UBE2O: variants seen among roughly 807,000 people sequenced by gnomAD.
The protein encoded by UBE2O is (E3-independent) E2 ubiquitin-conjugating enzyme.
A neutral mutation model predicts 125.8 loss-of-function variants in UBE2O; 15 were observed. The ratio of observed to expected loss-of-function variants is 0.12; its 90% CI spans 0.08 to 0.18. The LOEUF (loss-of-function observed/expected upper bound fraction) is 0.18. UBE2O is among the 10% of genes least tolerant of loss of function. The pLI, the probability that UBE2O is intolerant of heterozygous loss-of-function variation, is 1.00. For synonymous variants in UBE2O, 708 were observed against 703.2 expected (o/e 1.01, Z -0.11); for missense variants, 1,280 against 1,723.6 (o/e 0.74, Z 4.56).
At chr17:76,423,966 G>A (rs1209344656) in intron 1 of UBE2O, among the ~76,000 whole-genome samples, 2 of 143,628 alleles carry the variant, frequency 1.4e-5, no homozygotes, top group Admixed American at 7.2e-5. Flanking sequence ...CTAGTGCAGC[G>A]GCGCGATCTT....
intron 1 of UBE2O, among the ~76,000 whole-genome samples, chr17:76,416,068 C>A (rs146763656): frequency 0.016 from 2,458 of 150,664 alleles, 35 homozygotes; most frequent in Non-Finnish European, 0.024. Flanking sequence ...CACGTATATA[C>A]GTATGTGTAT....
intron 12 of UBE2O, 84 bp from the exon 13 acceptor site, chr17:76,397,972 T>A: frequency 6.9e-7 from 1 of 1,441,770 alleles, no homozygotes; most frequent in Admixed American, 1.7e-5. Flanking sequence ...GTGACTGACA[T>A]CATGCCCACC....
rs1364660128 is a variant in UBE2O, at chr17:76,396,044, A to G, written c.2809+84T>C. ...TAGCTGGGGTCTGGCGAGGGGACTA[A>G]CCACCCTGCACCCAGATCTGGTGAC... On this transcript the variant is annotated intron_variant, in intron 14 of 17. Transcript: ENST00000319380. This position sits in a 1 kb window ranked among gnomAD's most constrained non-coding sequence, Gnocchi z 6.7. 2.0e-6 allele frequency: 3 copies of G among 1,518,520 alleles called. No homozygotes were observed. Among genetic ancestry groups the G allele is most frequent in the South Asian group, 1.2e-5 (1 of 84,988 alleles). 94.1% of individuals were successfully genotyped at this position (1,518,520 alleles called of 1,614,324 possible).
At position 76,390,728 on chromosome 17, in the gene UBE2O, A is replaced by G. The variant is rs1414231034; in HGVS notation, c.*215T>C. 2 of 454,718 alleles carry G rather than the reference A, an allele frequency of 4.4e-6. No individual in the cohort carries two copies. The highest frequency in any genetic ancestry group is 7.7e-6 in the Non-Finnish European group (2 of 260,150). 28.2% of individuals were successfully genotyped at this position (454,718 alleles called of 1,614,324 possible). On this transcript the variant is annotated 3_prime_UTR_variant, in exon 18 of 18. Transcript: ENST00000319380. ...ACAGGGTTCCGATTTTCTTTGCCAC[A>G]GGGGACCCGCCTGTTGAAAGCTCGC...
At position 76,391,475 on chromosome 17, in the gene UBE2O, A is replaced by G. The variant is rs1355238508; in HGVS notation, c.3347T>C (p.Val1116Ala). The change falls in exon 18 of 18, where the codon GTG (valine) becomes GCG (alanine). Residue 1116 changes from valine (V) to alanine (A), a missense_variant. This residue lies in a region of UBE2O where 233 missense variants were observed against 279.0 expected (regional missense o/e 0.84). Coordinates refer to ENST00000319380, the MANE Select transcript of UBE2O (RefSeq NM_022066.4). This position sits in a 1 kb window ranked among gnomAD's most constrained non-coding sequence, Gnocchi z 8.4. ...IRVVQSMTQL[V>A]RRPPEVFEQE... ...CTCAAAGACCTCGGGGGGCCGCCGC[A>G]CCAGCTGGGTCATGGACTGCACCAC... The G allele has an allele frequency of 6.2e-7, 1 of 1,613,520 alleles. No homozygotes were observed. Among genetic ancestry groups the G allele is most frequent in the African/African-American group, 1.3e-5 (1 of 74,832 alleles).
At chr17:76,401,203 G>A (rs764090054) in intron 5 of UBE2O, 49 bp from the exon 6 acceptor site, 29 of 1,600,576 alleles carry the variant, frequency 1.8e-5, no homozygotes, top group Non-Finnish European at 2.4e-5. Flanking sequence ...GTGTCTCCAT[G>A]GGTGACCATG....
At chr17:76,436,089 T>C (rs1041751519) in intron 1 of UBE2O, among the ~76,000 whole-genome samples, 3 of 152,008 alleles carry the variant, frequency 2.0e-5, no homozygotes, top group African/African-American at 7.3e-5. Context: ...TCTACTAAAA[T>C]ACAAAACATT....
At chr17:76,418,708 T>G (rs2072657152) in intron 1 of UBE2O, among the ~76,000 whole-genome samples, 2 of 152,018 alleles carry the variant, frequency 1.3e-5, no homozygotes, top group Admixed American at 6.5e-5. Context: ...TAGCTGGGAC[T>G]ACAGGCACCC....
chr17:76,395,592 T>G lies in UBE2O; in HGVS notation c.2946+133A>C. On this transcript the variant is annotated intron_variant, in intron 15 of 17. Transcript: ENST00000319380. The surrounding 1 kb of genome is among the most constrained non-coding windows in gnomAD (Gnocchi z 5.0). ...CTGACTGAGCCTGTGACCGCCCCTG[T>G]AAAAGGTGGGTGGGTGAGTGTCCTC... is the stretch of plus-strand genomic sequence containing the variant. 9.0e-7 allele frequency: 1 copy of G among 1,106,154 alleles called. No individual in the cohort carries two copies. Among genetic ancestry groups the G allele is most frequent in the Non-Finnish European group, 1.3e-6 (1 of 777,034 alleles). 68.5% of individuals were successfully genotyped at this position (1,106,154 alleles called of 1,614,324 possible).
Position 76,405,260 on chromosome 17 carries a change from G to A in UBE2O, c.534C>T (p.Ile178=), listed in dbSNP as rs144647456. Residue 178 remains isoleucine (I), a synonymous_variant, in exon 3 of 18, where the codon ATC becomes ATT. Transcript: ENST00000319380. This position sits in a 1 kb window ranked among gnomAD's most constrained non-coding sequence, Gnocchi z 6.1. ...DVNIDCAVKL[I]GTNCIIYPVN... is the part of the protein sequence containing the mutation. ...CGGGATAGATGATGCAGTTGGTGCC[G>A]ATGAGCTTGACGGCACAGTCGATGT... 47 of 1,613,372 alleles carry A rather than the reference G, an allele frequency of 2.9e-5. No homozygotes were observed. The African/African-American group carries it at 3.3e-4, about 11-fold the overall frequency.
At chr17:76,443,295 A>ATT (rs202108643) in intron 1 of UBE2O, among the ~76,000 whole-genome samples, 2,059 of 151,604 alleles carry the variant, frequency 0.014, 24 homozygotes, top group African/African-American at 0.029. Context: ...ATATATATAT[A>ATT]TTTTTTTCCT....
At chr17:76,449,968 G>A (rs551427927) in intron 1 of UBE2O, among the ~76,000 whole-genome samples, 1 of 151,924 alleles carries the variant, frequency 6.6e-6, no homozygotes, top group Admixed American at 6.5e-5. Flanking sequence ...CATCACTACT[G>A]TAGTCCCAGC....
In UBE2O at chr17:76,398,191, C is replaced by G. The variant is rs975084807; in HGVS notation, c.2025+64G>C. 1.1e-5 allele frequency: 17 copies of G among 1,607,524 alleles called. No homozygotes were observed. Among genetic ancestry groups the G allele is most frequent in the Non-Finnish European group, 1.3e-5 (15 of 1,175,546 alleles). The stretch of plus-strand genomic sequence containing the variant: ...TCCTAGAGCCACCTGGTGGCAGCAT[C>G]AGGGACTGCAGCTGGTGCACAGGGC... On this transcript the variant is annotated intron_variant, in intron 12 of 17. Coordinates refer to ENST00000319380, the MANE Select transcript of UBE2O (RefSeq NM_022066.4). This position sits in a 1 kb window ranked among gnomAD's most constrained non-coding sequence, Gnocchi z 5.4.
At position 76,396,804 on chromosome 17, in the gene UBE2O, C is replaced by T. The variant is rs1005223439; in HGVS notation, c.2133G>A (p.Glu711=). 2 of 1,600,672 alleles carry T rather than the reference C, an allele frequency of 1.2e-6. No homozygotes were observed. Among genetic ancestry groups the T allele is most frequent in the Non-Finnish European group, 8.5e-7 (1 of 1,172,786 alleles). The change falls in exon 14 of 18, where the codon GAG becomes GAA. Residue 711 remains glutamate, a synonymous_variant. Transcript: ENST00000319380. The surrounding 1 kb of genome is among the most constrained non-coding windows in gnomAD (Gnocchi z 6.7). ...IILPQHLYNI[E]SEIEESDYDS... ...CGTAGTCTGACTCCTCAATCTCAGA[C>T]TCTATGTTGTACAAGTGCTGGGGGC... is the stretch of plus-strand genomic sequence containing the variant.
chr17:76,429,134 T>G (rs2072861632), intron 1 of UBE2O, among the ~76,000 whole-genome samples: 1 of 151,912 alleles, frequency 6.6e-6, no homozygotes, highest in Non-Finnish European at 1.5e-5. Context: ...ACTCCTGACC[T>G]CGTGATCTGC....
chr17:76,425,160 C>T (rs1298389337), intron 1 of UBE2O, among the ~76,000 whole-genome samples: 6 of 149,474 alleles, frequency 4.0e-5, no homozygotes, highest in Admixed American at 1.3e-4. Flanking sequence ...CGTGAGCCAC[C>T]GCACCCGGTT....
chr17:76,425,214 G>A (rs2072787956), intron 1 of UBE2O, among the ~76,000 whole-genome samples: 2 of 123,846 alleles, frequency 1.6e-5, no homozygotes, highest in Non-Finnish European at 3.2e-5. Flanking sequence ...CACTTCTCAA[G>A]GTCCTTTCGA....
rs747935394 is a variant in UBE2O at position 76,395,965 on chromosome 17, CGCT to C, written c.2810-107_2810-105del. The stretch of plus-strand genomic sequence containing the variant: ...GCACACCCACAGACTTCCCACTCGC[CGCT>C]GCTGGCCTCAGCACTGTGACCACAC... On this transcript the variant is annotated intron_variant, in intron 14 of 17. Transcript: ENST00000319380. This position sits in a 1 kb window ranked among gnomAD's most constrained non-coding sequence, Gnocchi z 5.0. 2.6e-6 allele frequency: 4 copies of C among 1,551,200 alleles called. No individual in the cohort carries two copies. Among genetic ancestry groups the C allele is most frequent in the Non-Finnish European group, 3.5e-6 (4 of 1,138,642 alleles).
At chr17:76,440,292 TTAAG>T (rs1301291841) in intron 1 of UBE2O, among the ~76,000 whole-genome samples, 38 of 152,370 alleles carry the variant, frequency 2.5e-4, no homozygotes, top group African/African-American at 7.7e-4. Flanking sequence ...ATACATTGGG[TTAAG>T]TAAAATATAT....
Sources: allele counts gnomAD v4.1 joint callset (sites outside exome capture counted in the v4.1 genomes callset), GRCh38; gene constraint gnomAD v4.1.1; regional missense constraint gnomAD v4.1.1; non-coding constraint Gnocchi (gnomAD v3.1); transcripts MANE v1.5; gene names NCBI Gene and HGNC (gene_info 2026-07-23, HGNC 2026-07-21).